IL24: variants seen among roughly 807,000 people sequenced by gnomAD.
IL24 encodes the protein interleukin-24.
In IL24, 24 loss-of-function variants were observed where a neutral mutation model predicts 27.6. That is an observed-to-expected ratio of 0.87 (90% CI 0.63 to 1.22). IL24 has a LOEUF of 1.22. IL24 is among the 50% of genes most tolerant of loss of function. The probability of loss-of-function intolerance (pLI) is 0.00; values close to 1 mark genes in which losing one functional copy is unlikely to be tolerated. For missense variants in IL24, 240 were observed against 237.0 expected, an observed-to-expected ratio of 1.01 and a Z score of -0.08; for synonymous variants, 99 against 93.1, an observed-to-expected ratio of 1.06 and a Z score of -0.36.
chr1:206,902,388 G>A, intron 6 of IL24: 1 of 984,092 alleles, frequency 1.0e-6, no homozygotes, highest in South Asian at 4.7e-5. Flanking sequence ...AGAAAGAAGG[G>A]AGACACCCCA....
intron 2 of IL24, among the ~76,000 whole-genome samples, chr1:206,899,042 G>C (rs1350284734): frequency 6.6e-6 from 1 of 152,202 alleles, no homozygotes; most frequent in African/African-American, 2.4e-5. Flanking sequence ...AACTGCGATG[G>C]AGAAGGAGGA....
In IL24 at chr1:206,897,841, T is replaced by G; in HGVS notation, c.9T>G (p.Phe3Leu). The G allele has an allele frequency of 6.2e-7, 1 of 1,611,180 alleles. No individual in the cohort carries two copies. Among genetic ancestry groups the G allele is most frequent in the Middle Eastern group, 1.8e-4 (1 of 5,472 alleles). ...GAACACGAGACTGAGAGATGAATTT[T>G]CAACAGAGGCTGCAAAGCCTGTGGA... MN[F>L]QQRLQSLWTL... The change falls in exon 2 of 7, where the codon TTT becomes TTG. Residue 3 changes from phenylalanine to leucine, a missense_variant. Phe to Leu is a conservative substitution (Grantham distance 22). Coordinates refer to ENST00000294984, the MANE Select transcript of IL24 (RefSeq NM_006850.3).
In IL24 at chr1:206,897,731, G is replaced by C. The variant is rs887214333; in HGVS notation, c.-102G>C. 8.1e-7 allele frequency: 1 copy of C among 1,241,220 alleles called. No homozygotes were observed. Among genetic ancestry groups the C allele is most frequent in the Non-Finnish European group, 1.2e-6 (1 of 857,232 alleles). The allele number at this position is 1,241,220 out of a possible 1,614,324, so 76.9% of individuals were successfully genotyped here. A position where few individuals can be genotyped will look rare whatever the true frequency, so the allele number is the denominator to read the frequency against. ...TCAATTTTTTTGAGTGTTGATGTAG[G>C]GACAAGACATGACTGTGATGAGGAG... On this transcript the variant is annotated splice_region_variant and 5_prime_UTR_variant, in exon 2 of 7. Coordinates refer to ENST00000294984, the MANE Select transcript of IL24 (RefSeq NM_006850.3).
rs756980744 is a variant in IL24 at position 206,903,606 on chromosome 1, T to C, written c.*547T>C. The stretch of plus-strand genomic sequence containing the variant: ...GGGGTGGGGGTAAGGTGCATCTGTT[T>C]GAAAAGTAAACGATAAAATGTGGAT... On this transcript the variant is annotated 3_prime_UTR_variant, in exon 7 of 7. Coordinates refer to ENST00000294984, the MANE Select transcript of IL24 (RefSeq NM_006850.3). 6.5e-6 allele frequency: 1 copy of C among 153,138 alleles called. No homozygotes were observed. The highest frequency in any genetic ancestry group is 2.4e-5 in the African/African-American group (1 of 41,448). The allele number at this position is 153,138 out of a possible 1,614,324, so 9.5% of individuals were successfully genotyped here.
At chr1:206,902,390 G>A in intron 6 of IL24, 2 of 983,704 alleles carry the variant, frequency 2.0e-6, no homozygotes, top group Non-Finnish European at 2.4e-6. Flanking sequence ...AAAGAAGGGA[G>A]ACACCCCACC....
In IL24 at chr1:206,899,476, G is replaced by C. The variant is rs1349262084; in HGVS notation, c.201G>C (p.Gln67His). The change falls in exon 3 of 7, where the codon CAG (glutamine) becomes CAC (histidine). Residue 67 changes from glutamine to histidine, a missense_variant. Coordinates refer to ENST00000294984, the MANE Select transcript of IL24 (RefSeq NM_006850.3). ...GPCQVKGVVP[Q>H]KLWEAFWAVK... The stretch of plus-strand genomic sequence containing the variant: ...GCCAAGTGAAGGGGGTTGTTCCCCA[G>C]AAACTGTGGGAAGCCTTCTGGGCTG... The C allele has an allele frequency of 6.2e-7, 1 of 1,612,558 alleles. No homozygotes were observed. The highest frequency in any genetic ancestry group is 1.3e-5 in the African/African-American group (1 of 74,914).
At position 206,899,389 on chromosome 1, in the gene IL24, T is replaced by C; in HGVS notation, c.114T>C (p.Phe38=). 6.2e-7 allele frequency: 1 copy of C among 1,614,238 alleles called. No individual in the cohort carries two copies. The highest frequency in any genetic ancestry group is 2.2e-5 in the East Asian group (1 of 44,892). The change falls in exon 3 of 7, where the codon TTT becomes TTC. Residue 38 remains phenylalanine (F), a synonymous_variant. Transcript: ENST00000294984. ...MQMVVLPCLG[F]TLLLWSQVSG... is the part of the protein sequence containing the mutation. ...TGGTTGTGCTCCCTTGCCTGGGTTTTACCCTGCTTCTCTGGAGCCAGGTAT... is the reference window on the plus strand; with the variant it reads ...TGGTTGTGCTCCCTTGCCTGGGTTTCACCCTGCTTCTCTGGAGCCAGGTAT...
In IL24 at chr1:206,904,033, G is replaced by C. The variant is rs1317372930; in HGVS notation, c.*974G>C. The C allele has an allele frequency of 6.6e-6, 1 of 152,316 alleles. No individual in the cohort carries two copies. The highest frequency in any genetic ancestry group is 2.4e-5 in the African/African-American group (1 of 41,434). 9.4% of individuals were successfully genotyped at this position (152,316 alleles called of 1,614,324 possible). On this transcript the variant is annotated 3_prime_UTR_variant, in exon 7 of 7. Coordinates refer to ENST00000294984, the MANE Select transcript of IL24 (RefSeq NM_006850.3). The stretch of plus-strand genomic sequence containing the variant: ...AGATACAGTGTCTGACTATAACCTT[G>C]TTCCAAAAACCTAGGCAAAGAGTAT...
rs1283191925 is a variant in IL24 at position 206,903,192 on chromosome 1, A to G, written c.*133A>G. 6.7e-6 allele frequency: 5 copies of G among 745,950 alleles called. No individual in the cohort carries two copies. The highest frequency in any genetic ancestry group is 9.3e-6 in the Non-Finnish European group (4 of 431,344). The allele number at this position is 745,950 out of a possible 1,614,324, so 46.2% of individuals were successfully genotyped here. ...TGGGTCCCATTCTTGGCCCAGGATT[A>G]TTGTCAAAGAAGTCATTCTTTAAGC... On this transcript the variant is annotated 3_prime_UTR_variant, in exon 7 of 7. Coordinates refer to ENST00000294984, the MANE Select transcript of IL24 (RefSeq NM_006850.3).
At chr1:206,901,008 TG>T (rs1244629793) in intron 4 of IL24, among the ~76,000 whole-genome samples, 2 of 152,158 alleles carry the variant, frequency 1.3e-5, no homozygotes, top group African/African-American at 4.8e-5. Context: ...CCCTGAAAGA[TG>T]TGGCACTTCA....
chr1:206,903,138 G>T lies in IL24; in HGVS notation c.*79G>T. The T allele has an allele frequency of 8.2e-7, 1 of 1,221,806 alleles. No individual in the cohort carries two copies. The highest frequency in any genetic ancestry group is 1.2e-6 in the Non-Finnish European group (1 of 823,502). 75.7% of individuals were successfully genotyped at this position (1,221,806 alleles called of 1,614,324 possible). A position where few individuals can be genotyped will look rare whatever the true frequency, so the allele number is the denominator to read the frequency against. On this transcript the variant is annotated 3_prime_UTR_variant, in exon 7 of 7. Coordinates refer to ENST00000294984, the MANE Select transcript of IL24 (RefSeq NM_006850.3). Reference sequence around the variant, plus strand: ...TTCAAACAGTCTCCCTTCCTATGCTGTTCACTGGACACTTCACGCCCTTGG... The same window carrying T: ...TTCAAACAGTCTCCCTTCCTATGCTTTTCACTGGACACTTCACGCCCTTGG...
At chr1:206,901,045 T>C (rs1678356098) in intron 4 of IL24, among the ~76,000 whole-genome samples, 1 of 152,080 alleles carries the variant, frequency 6.6e-6, no homozygotes, top group African/African-American at 2.4e-5. Flanking sequence ...TAGAGTGCAA[T>C]TGCTGTGTCC....
At position 206,901,968 on chromosome 1, in the gene IL24, T is replaced by C. The variant is rs372509817; in HGVS notation, c.463-30T>C. Reference sequence around the variant, plus strand: ...TTTGCATCTGCTCCTATCTAAAAATTGGCACAACTTCTTTTCCCATGTTAT... The same window carrying C: ...TTTGCATCTGCTCCTATCTAAAAATCGGCACAACTTCTTTTCCCATGTTAT... On this transcript the variant is annotated intron_variant, in intron 5 of 6. Transcript: ENST00000294984. 159 of 1,609,702 alleles carry C rather than the reference T, an allele frequency of 9.9e-5. No individual in the cohort carries two copies. In the African/African-American group the frequency reaches 1.9e-3, roughly 19 times the overall value.
chr1:206,899,246 G>C, intron 2 of IL24, 74 bp from the exon 3 acceptor site: 1 of 1,483,548 alleles, frequency 6.7e-7, no homozygotes, highest in Non-Finnish European at 9.2e-7. Flanking sequence ...GGAGACCCTC[G>C]GAGCATTTTC....
chr1:206,898,409 A>G (rs1558639831), intron 2 of IL24, among the ~76,000 whole-genome samples: 1 of 151,958 alleles, frequency 6.6e-6, no homozygotes, highest in Non-Finnish European at 1.5e-5. Flanking sequence ...ATGATTGTGT[A>G]AAGAAGTACG....
At chr1:206,901,700 G>A (rs373609131) in intron 5 of IL24, 48 bp downstream of exon 5, 1 of 1,528,730 alleles carries the variant, frequency 6.5e-7, no homozygotes, top group Non-Finnish European at 9.0e-7. Context: ...TTCAAGTCTA[G>A]GTCTGCTTCC....
chr1:206,902,622 T>A (rs1678436358), intron 6 of IL24: 1 of 984,928 alleles, frequency 1.0e-6, no homozygotes. Context: ...TGAAGAGCAA[T>A]AACATCTGAT....
chr1:206,901,889 G>A (rs573193804), intron 5 of IL24, 109 bp from the exon 6 acceptor site: 243 of 1,141,912 alleles, frequency 2.1e-4, no homozygotes, highest in Non-Finnish European at 2.9e-4. Context: ...ATTCAGCCCT[G>A]GGCTCTCAGG....
chr1:206,902,761 A>G (rs528603292), intron 6 of IL24: 1 of 985,278 alleles, frequency 1.0e-6, no homozygotes, highest in African/African-American at 1.7e-5. Flanking sequence ...TTCTTTGTCC[A>G]CTGATATTCA....
Sources: gnomAD v4.1 joint callset for allele counts (sites outside exome capture counted in the v4.1 genomes callset) on GRCh38, gnomAD v4.1.1 for gene constraint, MANE v1.5 for transcripts, NCBI Gene and HGNC (gene_info 2026-07-23, HGNC 2026-07-21) for gene names.